The following LPL variants were observed in gnomAD, a reference collection of about 807,000 sequenced individuals.
LPL encodes the protein phospholipase A1.
In LPL, 43 loss-of-function variants were observed where a neutral mutation model predicts 52.2. The observed-to-expected ratio is 0.82, with a 90% CI of 0.64 to 1.06. The LOEUF is 1.06. Among genes scored for constraint, LPL ranks in the 50% least tolerant of loss-of-function variants. The pLI is 0.00. For synonymous variants in LPL, 244 were observed against 215.6 expected, an observed-to-expected ratio of 1.13 and a Z score of -1.15; for missense variants, 639 against 585.3, an observed-to-expected ratio of 1.09 and a Z score of -0.95.
intron 9 of LPL, among the ~76,000 whole-genome samples, chr8:19,963,657 A>G (rs1184285672): frequency 4.6e-5 from 7 of 152,148 alleles, no homozygotes; most frequent in African/African-American, 9.7e-5. Context: ...TTATATATAC[A>G]TAATATTTAT....
At chr8:19,958,717 T>C (rs1181141020) in intron 6 of LPL, among the ~76,000 whole-genome samples, 1 of 152,140 alleles carries the variant, frequency 6.6e-6, no homozygotes, top group Non-Finnish European at 1.5e-5. Context: ...ATGCACCTAC[T>C]AGACACCTAA....
intron 4 of LPL, 67 bp downstream of exon 4, chr8:19,953,488 G>A: frequency 7.9e-7 from 1 of 1,264,932 alleles, no homozygotes; most frequent in Non-Finnish European, 1.1e-6. Context: ...GAGAGAATCA[G>A]AACAAATTTT....
At position 19,939,807 on chromosome 8, in the gene LPL, C is replaced by T. The variant is rs527745284; in HGVS notation, c.88+279C>T. ...TCCACTCTGGCTGGGACCGCGTTCC[C>T]GGGCTCGCAGGCTCCGCCGGGGAGG... On this transcript the variant is annotated intron_variant, in intron 1 of 9. Transcript: ENST00000650287. This position sits in a 1 kb window ranked among gnomAD's most constrained non-coding sequence, Gnocchi z 4.0. Among the ~76,000 whole-genome samples, 77 of 152,344 alleles carry T rather than the reference C, an allele frequency of 5.1e-4. No individual in the cohort carries two copies. The highest frequency in any genetic ancestry group is 1.8e-3 in the African/African-American group (75 of 41,596).
Position 19,944,836 on chromosome 8 carries a change from T to C in LPL, c.89-3344T>C, listed in dbSNP as rs552551076. 6.6e-6 allele frequency among the ~76,000 whole-genome samples: 1 copy of C among 152,332 alleles called. No homozygotes were observed. The highest frequency in any genetic ancestry group is 2.1e-4 in the South Asian group (1 of 4,830). ...CCATAGTCAGGAAAGGCACAATTTA[T>C]AACTTGCGTGTTACCCAAAACTCTC... On this transcript the variant is annotated intron_variant, in intron 1 of 9. Transcript: ENST00000650287. This position sits in a 1 kb window ranked among gnomAD's most constrained non-coding sequence, Gnocchi z 4.2.
rs144709714 is a variant in LPL at position 19,950,554 on chromosome 8, C to A, written c.250-1215C>A. ...GTGGCTCATGCCTGTGATCCCAGCA[C>A]TCTGGGAGGCCAAGGCAGGCAGATC... On this transcript the variant is annotated intron_variant, in intron 2 of 9. Transcript: ENST00000650287. The surrounding 1 kb of genome is among the most constrained non-coding windows in gnomAD (Gnocchi z 4.2). Among the ~76,000 whole-genome samples, 6,883 of 152,288 alleles carry A rather than the reference C, an allele frequency of 0.045. 261 individuals carry two copies. The highest frequency in any genetic ancestry group is 0.075 in the Non-Finnish European group (5,086 of 68,018).
chr8:19,952,923 T>C (rs565673145), intron 3 of LPL, among the ~76,000 whole-genome samples: 11 of 152,344 alleles, frequency 7.2e-5, no homozygotes, highest in Middle Eastern at 3.4e-3. Flanking sequence ...CATATAAATG[T>C]ATACGCATAT....
At chr8:19,962,021 T>G in intron 8 of LPL, 94 bp from the exon 9 acceptor site, 2 of 831,616 alleles carry the variant, frequency 2.4e-6, no homozygotes, top group Non-Finnish European at 4.2e-6. Context: ...AGCATGATCA[T>G]GTATTATTTA....
Position 19,962,199 on chromosome 8 carries a change from T to C in LPL, c.1407T>C (p.Ser469=). ...PAVFVKCHDK[S]LNKKSG ...TATTTGTGAAATGCCATGACAAGTC[T>C]CTGAATAAGAAGTCAGGCTGGTGAG... Residue 469 remains serine, a synonymous_variant, in exon 9 of 10, where the codon TCT becomes TCC. Coordinates refer to ENST00000650287, the MANE Select transcript of LPL (RefSeq NM_000237.3). The C allele has an allele frequency of 6.2e-7, 1 of 1,613,726 alleles. No individual in the cohort carries two copies. Among genetic ancestry groups the C allele is most frequent in the Middle Eastern group, 1.7e-4 (1 of 6,058 alleles).
chr8:19,948,176 C>A lies in LPL; in HGVS notation c.89-4C>A, dbSNP rs1427158937. ...TAACCTCATATCCAATTTTTCCTTT[C>A]CAGAAAGAAGAGATTTTATCGACAT... On this transcript the variant is annotated splice_polypyrimidine_tract_variant and splice_region_variant and intron_variant, in intron 1 of 9. Coordinates refer to ENST00000650287, the MANE Select transcript of LPL (RefSeq NM_000237.3). 6 of 1,613,912 alleles carry A rather than the reference C, an allele frequency of 3.7e-6. No individual in the cohort carries two copies. In the Admixed American group the frequency reaches 1.0e-4, roughly 27 times the overall value.
chr8:19,959,165 G>C, intron 6 of LPL, 95 bp from the exon 7 acceptor site: 1 of 1,510,696 alleles, frequency 6.6e-7, no homozygotes, highest in Non-Finnish European at 9.2e-7. Context: ...TTGAGTGCTA[G>C]TGAGATACTT....
At chr8:19,956,356 G>A (rs2069985794) in intron 6 of LPL, among the ~76,000 whole-genome samples, 1 of 152,208 alleles carries the variant, frequency 6.6e-6, no homozygotes, top group Admixed American at 6.5e-5. Flanking sequence ...CATGGGCTAG[G>A]CTATCAGCAC....
At chr8:19,953,220 T>C in intron 3 of LPL, 90 bp from the exon 4 acceptor site, 2 of 790,496 alleles carry the variant, frequency 2.5e-6, no homozygotes, top group South Asian at 1.4e-5. Flanking sequence ...ATTTCCTATA[T>C]TTGGAAAACA....
In LPL at chr8:19,957,224, G is replaced by A. The variant is rs543368805; in HGVS notation, c.1018+1141G>A. ...TAGAGGCAGACCTAAAGGAATGGTC[G>A]GAAAATGAGAGAGGAGGTCTTCGGA... is the stretch of plus-strand genomic sequence containing the variant. On this transcript the variant is annotated intron_variant, in intron 6 of 9. Transcript: ENST00000650287. Among the ~76,000 whole-genome samples the A allele has an allele frequency of 3.0e-4, 46 of 152,274 alleles. 1 individual carries two copies. The highest frequency in any genetic ancestry group is 9.9e-4 in the African/African-American group (41 of 41,552).
At chr8:19,959,212 A>G (rs759870438) in intron 6 of LPL, 48 bp from the exon 7 acceptor site, 3 of 1,613,308 alleles carry the variant, frequency 1.9e-6, no homozygotes, top group Non-Finnish European at 2.5e-6. Context: ...TGGGGTTGTG[A>G]TATTTTCATA....
rs2069899922 is a variant in LPL, at chr8:19,948,177, C to T, written c.89-3C>T. The stretch of plus-strand genomic sequence containing the variant: ...AACCTCATATCCAATTTTTCCTTTC[C>T]AGAAAGAAGAGATTTTATCGACATC... On this transcript the variant is annotated splice_polypyrimidine_tract_variant and splice_region_variant and intron_variant, in intron 1 of 9. Transcript: ENST00000650287. 1.2e-6 allele frequency: 2 copies of T among 1,613,980 alleles called. No individual in the cohort carries two copies. Among genetic ancestry groups the T allele is most frequent in the Non-Finnish European group, 1.7e-6 (2 of 1,179,912 alleles).
chr8:19,939,636 C>A lies in LPL; in HGVS notation c.88+108C>A. 2 of 1,161,118 alleles carry A rather than the reference C, an allele frequency of 1.7e-6. No homozygotes were observed. Among genetic ancestry groups the A allele is most frequent in the Non-Finnish European group, 2.5e-6 (2 of 810,824 alleles). The allele number at this position is 1,161,118 out of a possible 1,614,324, so 71.9% of individuals were successfully genotyped here. On this transcript the variant is annotated intron_variant, in intron 1 of 9. Transcript: ENST00000650287. This position sits in a 1 kb window ranked among gnomAD's most constrained non-coding sequence, Gnocchi z 4.0. ...AGTTGGAAGGGGCGGTGGATGCGCC[C>A]AGGGACTCTCCCAGCCTGGGCTCTA...
At chr8:19,943,779 C>A (rs1177309463) in intron 1 of LPL, among the ~76,000 whole-genome samples, 2 of 152,056 alleles carry the variant, frequency 1.3e-5, no homozygotes, top group African/African-American at 4.8e-5. Flanking sequence ...TTTTTTAACC[C>A]CTCTTTTTCA....
chr8:19,949,200 G>A (rs542356635), intron 2 of LPL, among the ~76,000 whole-genome samples: 5 of 152,142 alleles, frequency 3.3e-5, no homozygotes, highest in Non-Finnish European at 5.9e-5. Context: ...GTCAGAGCTT[G>A]TGAATATTAT....
In LPL at chr8:19,948,355, T is replaced by C. The variant is rs1439944738; in HGVS notation, c.249+15T>C. The stretch of plus-strand genomic sequence containing the variant: ...ATGGCTGGACGGTAAGGGAGGCTCT[T>C]TGGGGAAGAGTGGATTGGGGTGGTG... On this transcript the variant is annotated intron_variant, in intron 2 of 9. Transcript: ENST00000650287. The C allele has an allele frequency of 1.2e-6, 2 of 1,613,438 alleles. No individual in the cohort carries two copies. Among genetic ancestry groups the C allele is most frequent in the East Asian group, 2.2e-5 (1 of 44,854 alleles).
Sources: gnomAD v4.1 joint callset for allele counts (sites outside exome capture counted in the v4.1 genomes callset) on GRCh38, gnomAD v4.1.1 for gene constraint, Gnocchi (gnomAD v3.1) non-coding constraint, MANE v1.5 for transcripts, NCBI Gene and HGNC (gene_info 2026-07-23, HGNC 2026-07-21) for gene names.